Variants in CACNA2D1 observed in about 807,000 individuals in gnomAD.
The protein encoded by CACNA2D1 is voltage-dependent calcium channel subunit alpha-2/delta-1.
Under a neutral mutation model 171.5 loss-of-function variants are expected in CACNA2D1, and 53 were observed. That is an observed-to-expected ratio of 0.31 (90% CI 0.25 to 0.39). The LOEUF is 0.39. Ranked by LOEUF, CACNA2D1 falls within the 10% of genes least tolerant of loss-of-function variation. The pLI, the probability that CACNA2D1 is intolerant of heterozygous loss-of-function variation, is 1.00. For synonymous variants in CACNA2D1, 442 were observed against 443.1 expected (o/e 1.00, Z 0.03); for missense variants, 903 against 1,299.8 (o/e 0.69, Z 4.69).
At chr7:82,215,272 C>T (rs1220816945) in intron 3 of CACNA2D1, among the ~76,000 whole-genome samples, 7 of 152,124 alleles carry the variant, frequency 4.6e-5, no homozygotes, top group Non-Finnish European at 8.8e-5. Context: ...ATACAAAACC[C>T]TAGTCTTATT....
intron 5 of CACNA2D1, among the ~76,000 whole-genome samples, chr7:82,130,923 A>G (rs188882256): frequency 8.9e-4 from 134 of 151,370 alleles, no homozygotes; most frequent in African/African-American, 3.0e-3. Flanking sequence ...CAGCCTCCCA[A>G]GTAGCTGAGA....
At chr7:81,979,159 G>T (rs1796185394) in intron 24 of CACNA2D1, among the ~76,000 whole-genome samples, 1 of 152,054 alleles carries the variant, frequency 6.6e-6, no homozygotes, top group African/African-American at 2.4e-5. Flanking sequence ...ATTAGTGGTT[G>T]TTTGGGTCTG....
chr7:82,130,791 CTTT>C (rs71093363), intron 5 of CACNA2D1, among the ~76,000 whole-genome samples: 2,014 of 105,684 alleles, frequency 0.019, 21 homozygotes, highest in African/African-American at 0.076. Context: ...TTGTTTTTGT[CTTT>C]TTTTTTTTTT....
chr7:82,059,650 G>T (rs1380061895), intron 10 of CACNA2D1, among the ~76,000 whole-genome samples: 1 of 151,796 alleles, frequency 6.6e-6, no homozygotes, highest in African/African-American at 2.4e-5. Flanking sequence ...ACTTTAACCA[G>T]GGATAAATTC....
chr7:82,133,341 G>T (rs1428004144), intron 5 of CACNA2D1, among the ~76,000 whole-genome samples: 2 of 152,074 alleles, frequency 1.3e-5, no homozygotes, highest in East Asian at 3.9e-4. Context: ...AAAAAACATG[G>T]GTTTCCCATG....
At chr7:82,293,338 T>A (rs1299577816) in intron 3 of CACNA2D1, among the ~76,000 whole-genome samples, 2 of 152,204 alleles carry the variant, frequency 1.3e-5, no homozygotes, top group African/African-American at 4.8e-5. Context: ...CTCATTAAGT[T>A]CAAAGCTTTC....
chr7:81,974,879 A>G (rs1444974847), intron 24 of CACNA2D1, among the ~76,000 whole-genome samples: 1 of 152,020 alleles, frequency 6.6e-6, no homozygotes, highest in Admixed American at 6.6e-5. Context: ...ATCGGGGGCA[A>G]GGGGAGGGAC....
chr7:82,132,433 C>CCT (rs2129071705), intron 5 of CACNA2D1, among the ~76,000 whole-genome samples: 1 of 152,276 alleles, frequency 6.6e-6, no homozygotes, highest in East Asian at 1.9e-4. Context: ...TACTCCATAT[C>CCT]CTCTTGCAAC....
intron 3 of CACNA2D1, among the ~76,000 whole-genome samples, chr7:82,325,403 G>A (rs149855086): frequency 1.5e-3 from 223 of 152,242 alleles, no homozygotes; most frequent in African/African-American, 4.6e-3. Flanking sequence ...AATAAATGAC[G>A]TTGCTGACTT....
intron 10 of CACNA2D1, among the ~76,000 whole-genome samples, chr7:82,058,744 T>A (rs1806246114): frequency 6.6e-6 from 1 of 152,134 alleles, no homozygotes. Context: ...GAGGAGGGCT[T>A]CCCAGCTCCT....
At chr7:82,072,940 A>G (rs1239416913) in intron 7 of CACNA2D1, among the ~76,000 whole-genome samples, 9 of 152,176 alleles carry the variant, frequency 5.9e-5, no homozygotes, top group Non-Finnish European at 1.3e-4. Flanking sequence ...AGTCACTGGA[A>G]CTATAGATTA....
At chr7:82,251,700 T>G (rs1805665233) in intron 3 of CACNA2D1, among the ~76,000 whole-genome samples, 1 of 152,200 alleles carries the variant, frequency 6.6e-6, no homozygotes, top group Non-Finnish European at 1.5e-5. Context: ...TTCAGAGCCA[T>G]ACATTGAAAA....
chr7:82,346,787 G>C (rs1297684852), intron 2 of CACNA2D1, among the ~76,000 whole-genome samples: 1 of 152,072 alleles, frequency 6.6e-6, no homozygotes, highest in Non-Finnish European at 1.5e-5. Context: ...TATAAAAAGA[G>C]CATTAGCATA....
chr7:82,332,464 G>C (rs1350508447), intron 3 of CACNA2D1, among the ~76,000 whole-genome samples: 1 of 143,964 alleles, frequency 6.9e-6, no homozygotes, highest in Non-Finnish European at 1.5e-5. Context: ...ATTTGAAGAA[G>C]CATAATATAA....
chr7:81,984,835 T>A, intron 21 of CACNA2D1, 124 bp from the exon 22 acceptor site: 1 of 676,532 alleles, frequency 1.5e-6, no homozygotes, highest in East Asian at 2.8e-5. Context: ...AAAGACATAT[T>A]ACTTTGACAA....
chr7:82,341,356 A>C (rs1221176435), intron 2 of CACNA2D1, among the ~76,000 whole-genome samples: 1 of 152,178 alleles, frequency 6.6e-6, no homozygotes, highest in Non-Finnish European at 1.5e-5. Context: ...CCTAAGGTAA[A>C]GAGTAACTAG....
chr7:82,423,345 A>T (rs1409670868), intron 1 of CACNA2D1, among the ~76,000 whole-genome samples: 1 of 152,136 alleles, frequency 6.6e-6, no homozygotes, highest in African/African-American at 2.4e-5. Flanking sequence ...CTGCTTCTTG[A>T]CTATATACAA....
intron 3 of CACNA2D1, among the ~76,000 whole-genome samples, chr7:82,305,695 G>A (rs2129429186): frequency 6.6e-6 from 1 of 152,262 alleles, no homozygotes; most frequent in South Asian, 2.1e-4. Context: ...TTTCTATGAT[G>A]CTCATGCACA....
intron 1 of CACNA2D1, among the ~76,000 whole-genome samples, chr7:82,400,995 AC>A (rs1474590340): frequency 2.2e-4 from 33 of 152,204 alleles, no homozygotes; most frequent in Non-Finnish European, 3.8e-4. Context: ...GCAAATCAAA[AC>A]CACAATGAGA....
Sources: allele counts gnomAD v4.1 joint callset (sites outside exome capture counted in the v4.1 genomes callset), GRCh38; gene constraint gnomAD v4.1.1; transcripts MANE v1.5; gene names NCBI Gene and HGNC (gene_info 2026-07-23, HGNC 2026-07-21).